The following SYTL3 variants were observed in gnomAD, a reference collection of about 807,000 sequenced individuals.
SYTL3 encodes the protein synaptotagmin-like protein 3.
Under a neutral mutation model 82.1 loss-of-function variants are expected in SYTL3, and 88 were observed. That is an observed-to-expected ratio of 1.07 (90% CI 0.90 to 1.28). The LOEUF (loss-of-function observed/expected upper bound fraction) is 1.28. Among genes scored for constraint, SYTL3 ranks in the 50% most tolerant of loss-of-function variants. The pLI is 0.00. For missense variants in SYTL3, 831 were observed against 757.6 expected, an observed-to-expected ratio of 1.10 and a Z score of -1.14; for synonymous variants, 311 against 289.4, an observed-to-expected ratio of 1.07 and a Z score of -0.76.
intron 11 of SYTL3, among the ~76,000 whole-genome samples, chr6:158,744,672 C>A (rs895202308): frequency 6.6e-6 from 1 of 152,092 alleles, no homozygotes; most frequent in Non-Finnish European, 1.5e-5. Flanking sequence ...TGTGGAGGAG[C>A]TAGTTGGGAA....
At position 158,665,509 on chromosome 6, in the gene SYTL3, C is replaced by T. The variant is rs775966403; in HGVS notation, c.225C>T (p.His75=). 3.1e-6 allele frequency: 5 copies of T among 1,596,818 alleles called. No homozygotes were observed. Among genetic ancestry groups the T allele is most frequent in the African/African-American group, 2.7e-5 (2 of 74,758 alleles). ...RCQQVLGFLL[H]RGAVCRGCSH... ...AGCAGGTGCTGGGGTTCCTGCTGCA[C>T]CGGGGCGCCGTGTGCCGGGGCTGCA... is the stretch of plus-strand genomic sequence containing the variant. The change falls in exon 5 of 18, where the codon CAC becomes CAT. Residue 75 remains histidine (H), a synonymous_variant. Transcript: ENST00000611299.
chr6:158,646,258 T>G (rs1032942398), upstream of SYTL3, among the ~76,000 whole-genome samples: 4 of 152,202 alleles, frequency 2.6e-5, no homozygotes, highest in Admixed American at 6.5e-5. Flanking sequence ...CTTGAACTCC[T>G]GGGCTCAAGG....
At chr6:158,645,233 A>G (rs1787361104), upstream of SYTL3, among the ~76,000 whole-genome samples, 1 of 152,196 alleles carries the variant, frequency 6.6e-6, no homozygotes, top group Non-Finnish European at 1.5e-5. Context: ...TAAGTTTTCC[A>G]GGTAAATGAG....
chr6:158,667,352 A>G (rs1480649241), intron 5 of SYTL3, among the ~76,000 whole-genome samples: 1 of 152,158 alleles, frequency 6.6e-6, no homozygotes, highest in Non-Finnish European at 1.5e-5. Context: ...TTGGTTTTCA[A>G]AATACTTAAG....
chr6:158,758,091 G>A (rs896763137), intron 14 of SYTL3, among the ~76,000 whole-genome samples: 1 of 152,174 alleles, frequency 6.6e-6, no homozygotes, highest in Non-Finnish European at 1.5e-5. Flanking sequence ...CTGGGAGAGA[G>A]TTCATGTGAG....
intron 6 of SYTL3, among the ~76,000 whole-genome samples, chr6:158,693,244 G>A (rs551489841): frequency 7.2e-5 from 11 of 152,238 alleles, no homozygotes; most frequent in East Asian, 1.9e-4. Flanking sequence ...TTGAGACAGC[G>A]TCTCATTTTG....
At chr6:158,692,028 C>A (rs1194204198) in intron 6 of SYTL3, among the ~76,000 whole-genome samples, 2 of 144,508 alleles carry the variant, frequency 1.4e-5, no homozygotes, top group African/African-American at 2.5e-5. Context: ...GAGGCCGAGG[C>A]GGGCGGATCA....
intron 11 of SYTL3, chr6:158,726,326 G>T: frequency 2.6e-6 from 1 of 380,822 alleles, no homozygotes; most frequent in South Asian, 2.5e-5. Context: ...TCTTTTTTAA[G>T]AACTTCAAGA....
chr6:158,751,910 GC>G lies in SYTL3; in HGVS notation c.1035-17del, dbSNP rs1562461975. On this transcript the variant is annotated splice_polypyrimidine_tract_variant and intron_variant, in intron 12 of 17. Transcript: ENST00000611299. ...TTCCCTGAGTTCTCACTCTGTCCCC[GC>G]TGTGTTTGGCCCCTAGGTATGTGAA... 6.3e-7 allele frequency: 1 copy of G among 1,581,476 alleles called. No individual in the cohort carries two copies. The highest frequency in any genetic ancestry group is 1.8e-5 in the Admixed American group (1 of 56,664).
chr6:158,746,446 A>ATT (rs1189740864), intron 12 of SYTL3, among the ~76,000 whole-genome samples: 11 of 145,506 alleles, frequency 7.6e-5, no homozygotes, highest in Middle Eastern at 3.6e-3. Context: ...CCATTATAAT[A>ATT]ATAATAATAA....
At position 158,735,022 on chromosome 6, in the gene SYTL3, C is replaced by G. The variant is rs80268593; in HGVS notation, c.855+9385C>G. Reference sequence around the variant, plus strand: ...AAACCAGGGGCCTGGGGAGTCCATACCGGGGAGTCCAGGCTTTTCACACTA... The same window carrying G: ...AAACCAGGGGCCTGGGGAGTCCATAGCGGGGAGTCCAGGCTTTTCACACTA... On this transcript the variant is annotated intron_variant, in intron 11 of 17. Coordinates refer to ENST00000611299, the MANE Select transcript of SYTL3 (RefSeq NM_001242394.2). 7.7e-3 allele frequency among the ~76,000 whole-genome samples: 1,171 copies of G among 152,190 alleles called. 18 individuals are homozygous for G. The highest frequency in any genetic ancestry group is 0.027 in the African/African-American group (1,120 of 41,502).
intron 10 of SYTL3, among the ~76,000 whole-genome samples, chr6:158,720,849 C>T (rs1784023950): frequency 6.6e-6 from 1 of 152,206 alleles, no homozygotes. Flanking sequence ...CCTGTCCACG[C>T]CCCAGAGGTG....
intron 14 of SYTL3, among the ~76,000 whole-genome samples, chr6:158,758,448 A>C (rs1789445459): frequency 6.6e-6 from 1 of 151,872 alleles, no homozygotes; most frequent in African/African-American, 2.4e-5. Flanking sequence ...AAAAAAAAAA[A>C]AAAACCCAGC....
At chr6:158,673,735 G>A (rs1205586204) in intron 5 of SYTL3, among the ~76,000 whole-genome samples, 1 of 149,666 alleles carries the variant, frequency 6.7e-6, no homozygotes, top group Admixed American at 6.7e-5. Flanking sequence ...ACCACGCCCC[G>A]CCAGGAACAG....
rs749965499 is a variant in SYTL3, at chr6:158,725,638, GTGA to G, written c.855+2_855+4del. ...CATATTCTCTGGAGGTTTTAGACAC[GTGA>G]GTCTCATTCCAATGCTCTTTTTTTG... On this transcript the variant is annotated splice_donor_variant and splice_donor_region_variant and intron_variant, in intron 11 of 17. Coordinates refer to ENST00000611299, the MANE Select transcript of SYTL3 (RefSeq NM_001242394.2). LOFTEE classifies it high-confidence loss of function. 1 of 1,612,410 alleles carries G rather than the reference GTGA, an allele frequency of 6.2e-7. No individual in the cohort carries two copies. Among genetic ancestry groups the G allele is most frequent in the South Asian group, 1.1e-5 (1 of 90,778 alleles).
intron 6 of SYTL3, among the ~76,000 whole-genome samples, chr6:158,695,281 CATT>C (rs1780438290): frequency 6.6e-6 from 1 of 152,128 alleles, no homozygotes. Flanking sequence ...TCATGCCCAT[CATT>C]ATTTTTCCTA....
chr6:158,710,482 G>A (rs992895902), intron 8 of SYTL3, among the ~76,000 whole-genome samples: 1 of 150,876 alleles, frequency 6.6e-6, no homozygotes, highest in Non-Finnish European at 1.5e-5. Context: ...GTCATGGTGT[G>A]ATGACGTACT....
At chr6:158,712,428 T>A (rs1782853385) in intron 8 of SYTL3, among the ~76,000 whole-genome samples, 2 of 152,218 alleles carry the variant, frequency 1.3e-5, no homozygotes, top group Admixed American at 1.3e-4. Flanking sequence ...TAAGGTGTCA[T>A]TAATTAAGTC....
chr6:158,669,600 C>G (rs1327614883), intron 5 of SYTL3, among the ~76,000 whole-genome samples: 1 of 152,198 alleles, frequency 6.6e-6, no homozygotes, highest in Non-Finnish European at 1.5e-5. Context: ...AGGGTACTTT[C>G]CTGAATTGCT....
Sources: allele counts gnomAD v4.1 joint callset (sites outside exome capture counted in the v4.1 genomes callset), GRCh38; gene constraint gnomAD v4.1.1; transcripts MANE v1.5; gene names NCBI Gene and HGNC (gene_info 2026-07-23, HGNC 2026-07-21).